Variants in TMEM132D observed in about 807,000 individuals in gnomAD.
TMEM132D encodes the protein transmembrane protein 132D.
A neutral mutation model predicts 62.3 loss-of-function variants in TMEM132D; 21 were observed. The observed-to-expected ratio is 0.34, with a 90% CI of 0.24 to 0.49. The LOEUF is 0.49. TMEM132D is among the 20% of genes least tolerant of loss of function. The pLI is 0.99. For synonymous variants in TMEM132D, 621 were observed against 575.6 expected (o/e 1.08, Z -1.13); for missense variants, 1,346 against 1,402.8 (o/e 0.96, Z 0.65).
intron 1 of TMEM132D, among the ~76,000 whole-genome samples, chr12:129,722,953 G>A (rs1020970569): frequency 2.0e-5 from 3 of 151,906 alleles, no homozygotes; most frequent in African/African-American, 7.3e-5. Context: ...TGTTGGCTAG[G>A]CTGGTCTTGA....
In TMEM132D at chr12:129,518,509, G is replaced by A. The variant is rs543809744; in HGVS notation, c.1115+12550C>T. 1.5e-4 allele frequency among the ~76,000 whole-genome samples: 23 copies of A among 150,432 alleles called. 1 individual carries two copies. The highest frequency in any genetic ancestry group is 3.7e-4 in the African/African-American group (15 of 41,044). ...TCTTGACTATATTGTGTGTGTGTGT[G>A]TATATATATGTGTGTATATACATAT... On this transcript the variant is annotated intron_variant, in intron 3 of 8. Transcript: ENST00000422113.
In TMEM132D at chr12:129,073,921, C is replaced by T. The variant is rs751593339; in HGVS notation, c.3254G>A (p.Cys1085Tyr). The part of the protein sequence containing the change: ...WVCQDLDPGD[C>Y]KELHNYMERL... ...CTCCATGTAGTTGTGCAGCTCTTTG[C>T]AGTCCCCAGGGTCCAGATCCTGGCA... The change falls in exon 9 of 9, where the codon TGC (cysteine) becomes TAC (tyrosine). Residue 1085 changes from cysteine to tyrosine, a missense_variant. Transcript: ENST00000422113. 1 of 1,579,928 alleles carries T rather than the reference C, an allele frequency of 6.3e-7. No homozygotes were observed.
At position 129,700,257 on chromosome 12, in the gene TMEM132D, C is replaced by A. The variant is rs749019418; in HGVS notation, c.521G>T (p.Arg174Leu). ...GCTGCCCCGCACCTCTCGGGTCTCT[C>A]GGAAAGCAAAGACCCTCAGGCACGG... Reference protein sequence around the residue: ...KLPCLRVFAFRETREVRGSCR... With the variant: ...KLPCLRVFAFLETREVRGSCR... Residue 174 changes from arginine to leucine, a missense_variant, in exon 2 of 9, where the codon CGA (arginine) becomes CTA (leucine). By Grantham distance (102) the Arg-to-Leu change is moderately radical (BLOSUM62 -2). Transcript: ENST00000422113. The A allele has an allele frequency of 6.2e-7, 1 of 1,613,320 alleles. No homozygotes were observed. The highest frequency in any genetic ancestry group is 8.5e-7 in the Non-Finnish European group (1 of 1,179,970).
At chr12:129,194,888 G>A (rs564926599) in intron 5 of TMEM132D, among the ~76,000 whole-genome samples, 1 of 152,270 alleles carries the variant, frequency 6.6e-6, no homozygotes, top group Non-Finnish European at 1.5e-5. Flanking sequence ...ACAACCAAGA[G>A]AGATGGCCCT....
chr12:129,768,512 A>G (rs1315628369), intron 1 of TMEM132D, among the ~76,000 whole-genome samples: 1 of 151,984 alleles, frequency 6.6e-6, no homozygotes, highest in Non-Finnish European at 1.5e-5. Flanking sequence ...TAGAATTAAT[A>G]TATGATTTAG....
intron 1 of TMEM132D, among the ~76,000 whole-genome samples, chr12:129,801,049 T>C (rs1404466027): frequency 6.6e-6 from 1 of 152,222 alleles, no homozygotes; most frequent in African/African-American, 2.4e-5. Context: ...ATCCCGCACC[T>C]GGCTCGGAGG....
chr12:129,516,256 A>G (rs1049085159), intron 3 of TMEM132D, among the ~76,000 whole-genome samples: 18 of 152,210 alleles, frequency 1.2e-4, no homozygotes, highest in African/African-American at 4.1e-4. Flanking sequence ...ACCCAACTCC[A>G]AAAGTCTATA....
intron 4 of TMEM132D, among the ~76,000 whole-genome samples, chr12:129,299,557 GTTT>G: frequency 6.8e-6 from 1 of 147,226 alleles, no homozygotes; most frequent in Non-Finnish European, 1.5e-5. Flanking sequence ...CCCAGAGAAT[GTTT>G]TGTATGTGAC....
At chr12:129,119,612 C>A (rs1032167) in intron 5 of TMEM132D, among the ~76,000 whole-genome samples, 150,573 of 152,290 alleles carry the variant, frequency 0.99, 74,457 homozygotes, top group Middle Eastern at 1. Context: ...AGGTAATTTG[C>A]ATCAATAATA....
At chr12:129,729,253 C>G (rs993127137) in intron 1 of TMEM132D, among the ~76,000 whole-genome samples, 1 of 152,184 alleles carries the variant, frequency 6.6e-6, no homozygotes, top group African/African-American at 2.4e-5. Context: ...GGCAAAAACA[C>G]TTAGCTCAAT....
chr12:129,653,618 G>A (rs1345284595), intron 2 of TMEM132D, among the ~76,000 whole-genome samples: 1 of 152,160 alleles, frequency 6.6e-6, no homozygotes, highest in Non-Finnish European at 1.5e-5. Flanking sequence ...AATGGCAACT[G>A]GCTGTGTACA....
intron 1 of TMEM132D, among the ~76,000 whole-genome samples, chr12:129,744,017 T>C (rs145961268): frequency 6.6e-6 from 1 of 152,320 alleles, no homozygotes; most frequent in East Asian, 1.9e-4. Context: ...AGGGAACCTA[T>C]ACAGCTATCT....
At chr12:129,685,730 C>G (rs1250891955) in intron 2 of TMEM132D, among the ~76,000 whole-genome samples, 1 of 152,172 alleles carries the variant, frequency 6.6e-6, no homozygotes, top group East Asian at 1.9e-4. Flanking sequence ...AAGCTGCAGA[C>G]ACAATGCCAG....
chr12:129,799,227 T>A (rs1052974679), intron 1 of TMEM132D, among the ~76,000 whole-genome samples: 1 of 152,002 alleles, frequency 6.6e-6, no homozygotes, highest in Admixed American at 6.6e-5. Context: ...ATCGCGCCAC[T>A]GCACTCCAGC....
At chr12:129,276,181 C>A (rs976585870) in intron 4 of TMEM132D, among the ~76,000 whole-genome samples, 1 of 152,150 alleles carries the variant, frequency 6.6e-6, no homozygotes, top group African/African-American at 2.4e-5. Flanking sequence ...TTTGCCCACT[C>A]GGGGAAAATG....
rs538219778 is a variant in TMEM132D at position 129,207,052 on chromosome 12, G to T, written c.1443+2468C>A. Among the ~76,000 whole-genome samples, 6 of 152,160 alleles carry T rather than the reference G, an allele frequency of 3.9e-5. 1 individual carries two copies. Among genetic ancestry groups the T allele is most frequent in the South Asian group, 4.2e-4 (2 of 4,814 alleles). On this transcript the variant is annotated intron_variant, in intron 5 of 8. Coordinates refer to ENST00000422113, the MANE Select transcript of TMEM132D (RefSeq NM_133448.3). Reference sequence around the variant, plus strand: ...ATCTGTAATCAAAGCCCTGTGACACGCAGGTGACCTATTAATATATAACAA... The same window carrying T: ...ATCTGTAATCAAAGCCCTGTGACACTCAGGTGACCTATTAATATATAACAA...
At chr12:129,689,577 T>G (rs904222314) in intron 2 of TMEM132D, among the ~76,000 whole-genome samples, 13 of 152,210 alleles carry the variant, frequency 8.5e-5, no homozygotes, top group Admixed American at 6.5e-5. Flanking sequence ...CTCTTACATC[T>G]GAACTTCAAT....
At chr12:129,387,530 CACTAAT>C (rs1437258238) in intron 3 of TMEM132D, among the ~76,000 whole-genome samples, 2 of 152,040 alleles carry the variant, frequency 1.3e-5, no homozygotes, top group Non-Finnish European at 1.5e-5. Context: ...CTAACACCAA[CACTAAT>C]ACTATGTGCC....
chr12:129,319,709 A>G (rs1593335745), intron 4 of TMEM132D, among the ~76,000 whole-genome samples: 1 of 152,226 alleles, frequency 6.6e-6, no homozygotes, highest in African/African-American at 2.4e-5. Context: ...AGAGAAGCTC[A>G]TGAGGTTGGA....
Sources: allele counts gnomAD v4.1 joint callset (sites outside exome capture counted in the v4.1 genomes callset), GRCh38; gene constraint gnomAD v4.1.1; transcripts MANE v1.5; gene names NCBI Gene and HGNC (gene_info 2026-07-23, HGNC 2026-07-21).